The following DST variants were observed in gnomAD, a reference collection of about 807,000 sequenced individuals.
DST encodes the protein dystonin.
Under a neutral mutation model 875.2 loss-of-function variants are expected in DST, and 253 were observed. That is an observed-to-expected ratio of 0.29 (90% CI 0.26 to 0.32). The LOEUF (loss-of-function observed/expected upper bound fraction) is 0.32. DST is among the 10% of genes least tolerant of loss of function. The pLI, the probability that DST is intolerant of heterozygous loss-of-function variation, is 1.00. For missense variants in DST, 8,287 were observed against 9,111.6 expected, an observed-to-expected ratio of 0.91 and a Z score of 3.68; for synonymous variants, 3,124 against 3,197.1, an observed-to-expected ratio of 0.98 and a Z score of 0.77.
At chr6:56,680,095 C>G (rs964561130) in intron 9 of DST, among the ~76,000 whole-genome samples, 2 of 152,156 alleles carry the variant, frequency 1.3e-5, no homozygotes, top group Admixed American at 6.6e-5. Flanking sequence ...ACTCAATTCC[C>G]TCTTTACTTA....
chr6:56,464,374 CCA>C (rs2094479031), intron 100 of DST: 1 of 387,376 alleles, frequency 2.6e-6, no homozygotes, highest in African/African-American at 2.0e-5. Context: ...AACACCAGAC[CCA>C]AGGATCTGTG....
At chr6:56,805,336 A>C (rs1192600317) in intron 4 of DST, among the ~76,000 whole-genome samples, 3 of 152,170 alleles carry the variant, frequency 2.0e-5, no homozygotes, top group African/African-American at 7.2e-5. Context: ...TGGAAGACAA[A>C]ATTTCCATGT....
At chr6:56,920,597 C>G in intron 2 of DST, among the ~76,000 whole-genome samples, 1 of 152,104 alleles carries the variant, frequency 6.6e-6, no homozygotes, top group Non-Finnish European at 1.5e-5. Context: ...AAAAGTACTT[C>G]AAAGCACTGC....
intron 4 of DST, among the ~76,000 whole-genome samples, chr6:56,793,543 C>CTAAG (rs1009360544): frequency 6.6e-6 from 1 of 152,006 alleles, no homozygotes; most frequent in Non-Finnish European, 1.5e-5. Flanking sequence ...AAAAGAGGTC[C>CTAAG]TAAGACAGAC....
intron 2 of DST, among the ~76,000 whole-genome samples, chr6:56,935,549 T>C (rs1027728477): frequency 1.3e-5 from 2 of 152,248 alleles, no homozygotes; most frequent in Non-Finnish European, 1.5e-5. Context: ...GTGATACATA[T>C]TGTTTTCTTT....
rs1023669520 is a variant in DST, at chr6:56,896,415, T to C, written c.417+4006A>G. Among the ~76,000 whole-genome samples the C allele has an allele frequency of 2.6e-5, 4 of 152,304 alleles. No homozygotes were observed. In the East Asian group the frequency reaches 5.8e-4, roughly 22 times the overall value. On this transcript the variant is annotated intron_variant, in intron 3 of 103. Transcript: ENST00000680361. ...TCCTTATTTTCTCTTGCCACCACCA[T>C]GTTAAGAAGTGCCTTTCACCTCCCA...
chr6:56,562,741 C>T (rs574597779), intron 55 of DST, among the ~76,000 whole-genome samples: 22 of 151,930 alleles, frequency 1.4e-4, no homozygotes, highest in African/African-American at 5.3e-4. Context: ...CCCCCCAGGC[C>T]CCCCACCCCC....
chr6:56,884,092 C>T (rs563271113), intron 3 of DST, among the ~76,000 whole-genome samples: 1 of 151,906 alleles, frequency 6.6e-6, no homozygotes, highest in South Asian at 2.1e-4. Flanking sequence ...GATTGTGCCA[C>T]TGCACTCGAG....
At chr6:56,755,571 G>A (rs1350183378) in intron 4 of DST, among the ~76,000 whole-genome samples, 2 of 151,960 alleles carry the variant, frequency 1.3e-5, no homozygotes, top group African/African-American at 2.4e-5. Flanking sequence ...CGTAATCAAG[G>A]CTTGATCACA....
intron 4 of DST, among the ~76,000 whole-genome samples, chr6:56,824,061 C>T (rs932017113): frequency 3.3e-5 from 5 of 152,128 alleles, no homozygotes; most frequent in South Asian, 2.1e-4. Flanking sequence ...GATGCCGAGT[C>T]GAAGCTGGAC....
At chr6:56,585,712 C>G (rs9367694) in intron 49 of DST, among the ~76,000 whole-genome samples, 57,231 of 143,970 alleles carry the variant, frequency 0.4, 11,101 homozygotes, top group African/African-American at 0.48. Context: ...GATCTTTCCT[C>G]CTTTCTCTTG....
intron 2 of DST, among the ~76,000 whole-genome samples, chr6:56,927,625 T>C (rs768351622): frequency 6.6e-6 from 1 of 152,150 alleles, no homozygotes; most frequent in Non-Finnish European, 1.5e-5. Context: ...GTTCCTATTA[T>C]ATTTCACAGG....
At chr6:56,550,703 C>T (rs139400847) in intron 61 of DST, among the ~76,000 whole-genome samples, 3 of 152,152 alleles carry the variant, frequency 2.0e-5, no homozygotes, top group African/African-American at 4.8e-5. Context: ...CACAGGAAAC[C>T]GAAAGAAATC....
At chr6:56,481,448 C>A (rs1225054356) in intron 90 of DST, among the ~76,000 whole-genome samples, 2 of 152,084 alleles carry the variant, frequency 1.3e-5, no homozygotes, top group East Asian at 3.8e-4. Flanking sequence ...AACTCAATAG[C>A]CAGATTTAGA....
intron 4 of DST, among the ~76,000 whole-genome samples, chr6:56,803,350 G>A (rs559714035): frequency 2.6e-5 from 4 of 152,104 alleles, no homozygotes; most frequent in Non-Finnish European, 5.9e-5. Flanking sequence ...TTCCATCGGC[G>A]TTGTTTTTTT....
chr6:56,595,744 T>C (rs1408203290), intron 47 of DST, among the ~76,000 whole-genome samples: 1 of 152,032 alleles, frequency 6.6e-6, no homozygotes, highest in East Asian at 1.9e-4. Context: ...TCCCACAGAC[T>C]TGTGTTTTTG....
chr6:56,606,956 A>C lies in DST; in HGVS notation c.7672T>G (p.Ser2558Ala), dbSNP rs772427828. 5.6e-6 allele frequency: 9 copies of C among 1,613,474 alleles called. No individual in the cohort carries two copies. Among genetic ancestry groups the C allele is most frequent in the Non-Finnish European group, 7.6e-6 (9 of 1,179,598 alleles). ...KEDESEIEEY[S>A]CAVTPGGDTD... ...TCACCCCCTGGAGTCACAGCACAGGAATACTCTTCTATTTCAGACTCATCT... is the reference window on the plus strand; with the variant it reads ...TCACCCCCTGGAGTCACAGCACAGGCATACTCTTCTATTTCAGACTCATCT... The change falls in exon 40 of 104, where the codon TCC becomes GCC. Residue 2558 changes from serine to alanine, a missense_variant. Around this residue, in one of 10 missense-constraint regions of DST, gnomAD observed 3,138 missense variants for 3,116.6 expected, o/e 1.01. Transcript: ENST00000680361.
intron 35 of DST, among the ~76,000 whole-genome samples, 176 bp downstream of exon 35, chr6:56,624,981 T>C (rs917244468): frequency 5.9e-5 from 9 of 152,142 alleles, no homozygotes; most frequent in Admixed American, 5.2e-4. Flanking sequence ...AAATAAACAG[T>C]GGTACCAGTT....
chr6:56,523,484 C>A (rs934326384), intron 69 of DST, among the ~76,000 whole-genome samples: 4 of 152,096 alleles, frequency 2.6e-5, no homozygotes, highest in African/African-American at 9.7e-5. Context: ...ACTTTTAAGT[C>A]TTTTCCATGT....
Sources: gnomAD v4.1 joint callset for allele counts (sites outside exome capture counted in the v4.1 genomes callset) on GRCh38, gnomAD v4.1.1 for gene constraint, gnomAD v4.1.1 regional missense constraint, MANE v1.5 for transcripts, NCBI Gene and HGNC (gene_info 2026-07-23, HGNC 2026-07-21) for gene names.